SP4: variants seen among roughly 807,000 people sequenced by gnomAD.
SP4 encodes transcription factor Sp4.
A neutral mutation model predicts 72.8 loss-of-function variants in SP4; 19 were observed. The ratio of observed to expected loss-of-function variants is 0.26; its 90% CI spans 0.18 to 0.38. The LOEUF is 0.38. Ranked by LOEUF, SP4 falls within the 10% of genes least tolerant of loss-of-function variation. The pLI, the probability that SP4 is intolerant of heterozygous loss-of-function variation, is 1.00. For missense variants in SP4, 1,008 were observed against 926.3 expected, an observed-to-expected ratio of 1.09 and a Z score of -1.14; for synonymous variants, 395 against 333.1, an observed-to-expected ratio of 1.19 and a Z score of -2.02.
chr7:21,469,382 A>G (rs1784260844), intron 3 of SP4, among the ~76,000 whole-genome samples: 1 of 36,566 alleles, frequency 2.7e-5, no homozygotes, highest in Non-Finnish European at 8.1e-5. Context: ...TCATTTCCTC[A>G]TTCATAGTTT....
intron 3 of SP4, chr7:21,471,237 G>A (rs963927823): frequency 1.5e-5 from 6 of 405,862 alleles, no homozygotes; most frequent in African/African-American, 1.0e-4. Flanking sequence ...GTGAATGTAT[G>A]GAGGGCCCAT....
chr7:21,443,679 G>A (rs1777054962), intron 3 of SP4, among the ~76,000 whole-genome samples: 2 of 152,198 alleles, frequency 1.3e-5, no homozygotes, highest in Admixed American at 6.5e-5. Context: ...GTGGGGCTGG[G>A]AAAGGGGTGG....
intron 3 of SP4, among the ~76,000 whole-genome samples, chr7:21,431,778 T>G (rs1280274981): frequency 2.0e-5 from 3 of 152,240 alleles, no homozygotes; most frequent in African/African-American, 7.2e-5. Context: ...TCGTTGTGTT[T>G]TAGTGCCTTT....
intron 3 of SP4, chr7:21,471,055 T>A (rs757527082): frequency 1.9e-6 from 1 of 534,670 alleles, no homozygotes; most frequent in South Asian, 1.4e-5. Context: ...GGATTCCAGC[T>A]ATATTATTCA....
At chr7:21,460,093 G>A (rs1783906504) in intron 3 of SP4, among the ~76,000 whole-genome samples, 1 of 149,342 alleles carries the variant, frequency 6.7e-6, no homozygotes, top group Admixed American at 6.6e-5. Context: ...AATTCTTTGA[G>A]AAAAGGAGAG....
chr7:21,451,061 T>C (rs556474214), intron 3 of SP4, among the ~76,000 whole-genome samples: 1 of 152,232 alleles, frequency 6.6e-6, no homozygotes, highest in South Asian at 2.1e-4. Context: ...TGGGTTGGGC[T>C]GTCCAGATGT....
At chr7:21,488,109 T>C (rs1004251138) in intron 5 of SP4, among the ~76,000 whole-genome samples, 2 of 152,198 alleles carry the variant, frequency 1.3e-5, no homozygotes, top group Non-Finnish European at 2.9e-5. Context: ...AAGCAATCCA[T>C]CCTCCTCAGC....
At chr7:21,466,948 A>G (rs1784185025) in intron 3 of SP4, among the ~76,000 whole-genome samples, 1 of 152,182 alleles carries the variant, frequency 6.6e-6, no homozygotes, top group Non-Finnish European at 1.5e-5. Context: ...TAGTTTTTAT[A>G]GGGATCACAC....
In SP4 at chr7:21,428,255, A is replaced by T. The variant is rs1782685763; in HGVS notation, c.4A>T (p.Ser2Cys). The T allele has an allele frequency of 7.7e-7, 1 of 1,300,880 alleles. No homozygotes were observed. The highest frequency in any genetic ancestry group is 1.0e-6 in the Non-Finnish European group (1 of 988,196). 80.6% of individuals were successfully genotyped at this position (1,300,880 alleles called of 1,614,324 possible). The stretch of plus-strand genomic sequence containing the variant: ...GGGTTTGTCCTGTTAATGCGGGATG[A>T]GCGGTACGTATTCTCCACCCCCCTC... M[S>C]DQKKEEEEEA... Residue 2 changes from serine to cysteine, a missense_variant, in exon 1 of 6, where the codon AGC becomes TGC. By Grantham distance (112) the Ser-to-Cys change is moderately radical (BLOSUM62 -1). This residue lies in a region of SP4 where 893 missense variants were observed against 743.3 expected (regional missense o/e 1.20). Transcript: ENST00000222584.
At chr7:21,463,200 G>A (rs1431689723) in intron 3 of SP4, among the ~76,000 whole-genome samples, 1 of 151,616 alleles carries the variant, frequency 6.6e-6, no homozygotes, top group Non-Finnish European at 1.5e-5. Context: ...GGAGAATAAA[G>A]ATACTTTTGG....
chr7:21,445,411 T>C (rs1783389611), intron 3 of SP4, among the ~76,000 whole-genome samples: 1 of 152,220 alleles, frequency 6.6e-6, no homozygotes, highest in African/African-American at 2.4e-5. Context: ...GTTCTTTAGC[T>C]AATCCTGCAT....
intron 4 of SP4, among the ~76,000 whole-genome samples, chr7:21,479,506 C>T (rs1400722300): frequency 6.6e-6 from 1 of 152,186 alleles, no homozygotes; most frequent in African/African-American, 2.4e-5. Context: ...ATCTTTATGT[C>T]AGTACCACAC....
intron 3 of SP4, among the ~76,000 whole-genome samples, chr7:21,438,765 G>C (rs997530183): frequency 2.0e-5 from 3 of 152,134 alleles, no homozygotes; most frequent in African/African-American, 7.2e-5. Context: ...ATCTCAGTCT[G>C]TCCAGGGTGA....
At chr7:21,502,019 C>T (rs866432795) in intron 5 of SP4, among the ~76,000 whole-genome samples, 2 of 142,328 alleles carry the variant, frequency 1.4e-5, no homozygotes, top group Admixed American at 1.5e-4. Context: ...TATTTGGTTT[C>T]GGGCCTTAAA....
At chr7:21,454,666 A>G (rs1318100241) in intron 3 of SP4, among the ~76,000 whole-genome samples, 1 of 152,176 alleles carries the variant, frequency 6.6e-6, no homozygotes, top group Non-Finnish European at 1.5e-5. Context: ...TCCACCCTCA[A>G]AAGACTGCTT....
At chr7:21,445,169 C>T (rs1478216390) in intron 3 of SP4, among the ~76,000 whole-genome samples, 3 of 151,954 alleles carry the variant, frequency 2.0e-5, no homozygotes, top group African/African-American at 7.2e-5. Flanking sequence ...TCTTTTTTCC[C>T]TTTCTTTTAT....
intron 3 of SP4, among the ~76,000 whole-genome samples, chr7:21,432,579 C>T (rs939919760): frequency 1.3e-5 from 2 of 152,222 alleles, no homozygotes; most frequent in African/African-American, 4.8e-5. Context: ...GCCAACCAAA[C>T]TTAGATTAAC....
At chr7:21,508,132 T>C (rs11983472) in intron 5 of SP4, among the ~76,000 whole-genome samples, 117,004 of 152,026 alleles carry the variant, frequency 0.77, 45,399 homozygotes, top group East Asian at 0.9. Context: ...GGAGCCAGGA[T>C]GCCCGGACAG....
At chr7:21,506,728 T>G (rs1315447180) in intron 5 of SP4, among the ~76,000 whole-genome samples, 2 of 152,218 alleles carry the variant, frequency 1.3e-5, no homozygotes, top group Non-Finnish European at 2.9e-5. Flanking sequence ...AGCTCTTAAT[T>G]ACAAAGTTAA....
Sources: gnomAD v4.1 joint callset for allele counts (sites outside exome capture counted in the v4.1 genomes callset) on GRCh38, gnomAD v4.1.1 for gene constraint, gnomAD v4.1.1 regional missense constraint, MANE v1.5 for transcripts, NCBI Gene and HGNC (gene_info 2026-07-23, HGNC 2026-07-21) for gene names.